Variants in PCSK2 observed in about 807,000 individuals in gnomAD.
PCSK2 encodes proprotein convertase subtilisin/kexin type 2.
A neutral mutation model predicts 69.7 loss-of-function variants in PCSK2; 14 were observed. The observed-to-expected ratio is 0.20, with a 90% CI of 0.13 to 0.31. PCSK2 has a LOEUF of 0.31. Among genes scored for constraint, PCSK2 ranks in the 10% least tolerant of loss-of-function variants. The pLI, the probability that PCSK2 is intolerant of heterozygous loss-of-function variation, is 1.00. For synonymous variants in PCSK2, 307 were observed against 320.7 expected (o/e 0.96, Z 0.46); for missense variants, 544 against 842.5 (o/e 0.65, Z 4.39).
intron 1 of PCSK2, among the ~76,000 whole-genome samples, chr20:17,239,841 CTTTTTT>C (rs869179656): frequency 5.8e-5 from 4 of 68,648 alleles, no homozygotes; most frequent in African/African-American, 2.0e-4. Flanking sequence ...GGTGAAAACA[CTTTTTT>C]TTTTTTTTTT....
chr20:17,459,025 A>G (rs906770036), intron 10 of PCSK2, among the ~76,000 whole-genome samples: 1 of 152,194 alleles, frequency 6.6e-6, no homozygotes, highest in African/African-American at 2.4e-5. Context: ...TTGACTCAAG[A>G]AAATCATCTG....
chr20:17,455,417 T>A (rs768124917), intron 9 of PCSK2, among the ~76,000 whole-genome samples: 2 of 152,174 alleles, frequency 1.3e-5, no homozygotes, highest in Non-Finnish European at 2.9e-5. Context: ...TAAAAATCTG[T>A]TTACCAGTCT....
chr20:17,310,853 T>C (rs540166640), intron 2 of PCSK2, among the ~76,000 whole-genome samples: 15 of 151,582 alleles, frequency 9.9e-5, no homozygotes, highest in Admixed American at 3.3e-4. Flanking sequence ...TTTATTTTTG[T>C]ATTACGGGCG....
intron 2 of PCSK2, among the ~76,000 whole-genome samples, chr20:17,318,598 A>G (rs1415929878): frequency 6.6e-6 from 1 of 152,238 alleles, no homozygotes; most frequent in Non-Finnish European, 1.5e-5. Context: ...TCAGGAAACA[A>G]TAAGTATGTT....
chr20:17,324,536 G>C (rs1382572707), intron 2 of PCSK2, among the ~76,000 whole-genome samples: 2 of 152,026 alleles, frequency 1.3e-5, no homozygotes, highest in Non-Finnish European at 2.9e-5. Context: ...AGTAACCAAG[G>C]CCCTACCATA....
At chr20:17,236,706 C>A (rs927780102) in intron 1 of PCSK2, among the ~76,000 whole-genome samples, 1 of 151,994 alleles carries the variant, frequency 6.6e-6, no homozygotes, top group Admixed American at 6.6e-5. Flanking sequence ...TTTTGAGTAG[C>A]TAGGTTTTAC....
At chr20:17,310,469 GGT>G (rs1288337963) in intron 2 of PCSK2, among the ~76,000 whole-genome samples, 1 of 151,992 alleles carries the variant, frequency 6.6e-6, no homozygotes, top group Non-Finnish European at 1.5e-5. Context: ...AGCCAACACT[GGT>G]TGAGAACTTG....
chr20:17,428,134 C>T (rs762523346), intron 6 of PCSK2, among the ~76,000 whole-genome samples: 21 of 152,158 alleles, frequency 1.4e-4, no homozygotes, highest in Non-Finnish European at 2.1e-4. Flanking sequence ...TCCTCTCCCC[C>T]GCTTAAGGGC....
At chr20:17,471,237 A>G (rs1227465324) in intron 11 of PCSK2, among the ~76,000 whole-genome samples, 2 of 152,358 alleles carry the variant, frequency 1.3e-5, no homozygotes, top group African/African-American at 4.8e-5. Context: ...GTGGAATTTA[A>G]GGCCAGAGAG....
At chr20:17,283,014 T>G (rs547508889) in intron 2 of PCSK2, among the ~76,000 whole-genome samples, 2 of 152,184 alleles carry the variant, frequency 1.3e-5, no homozygotes, top group Non-Finnish European at 2.9e-5. Context: ...TTAAGAGTGG[T>G]GGCTTAGACT....
intron 8 of PCSK2, among the ~76,000 whole-genome samples, chr20:17,451,984 TCTCGG>T (rs1386012384): frequency 1.5e-5 from 2 of 136,166 alleles, no homozygotes; most frequent in African/African-American, 2.7e-5. Flanking sequence ...AGTGGCACAA[TCTCGG>T]CTCACTGCAC....
chr20:17,340,516 A>G (rs1348297791), intron 2 of PCSK2, among the ~76,000 whole-genome samples: 2 of 152,122 alleles, frequency 1.3e-5, no homozygotes, highest in Non-Finnish European at 2.9e-5. Context: ...ATGATTCTTC[A>G]ATTTACCTTT....
chr20:17,407,134 C>T (rs149265069), intron 5 of PCSK2, among the ~76,000 whole-genome samples: 3 of 152,264 alleles, frequency 2.0e-5, no homozygotes, highest in African/African-American at 7.2e-5. Context: ...TGGAGCTGCC[C>T]CAAGCCTGTA....
chr20:17,318,800 T>C (rs1450950349), intron 2 of PCSK2, among the ~76,000 whole-genome samples: 2 of 152,192 alleles, frequency 1.3e-5, no homozygotes, highest in Non-Finnish European at 2.9e-5. Flanking sequence ...TTACTTCTAT[T>C]GTCATTTCTT....
chr20:17,448,992 C>T (rs1449846516), intron 8 of PCSK2, among the ~76,000 whole-genome samples: 1 of 151,510 alleles, frequency 6.6e-6, no homozygotes, highest in Non-Finnish European at 1.5e-5. Context: ...GGGCTCCTCC[C>T]GAGTAGCTAA....
chr20:17,388,196 C>T (rs1017203346), intron 5 of PCSK2, among the ~76,000 whole-genome samples: 13 of 151,976 alleles, frequency 8.6e-5, no homozygotes, highest in African/African-American at 2.7e-4. Flanking sequence ...GAAAGAGAAC[C>T]GACTGTATAA....
intron 2 of PCSK2, among the ~76,000 whole-genome samples, chr20:17,280,380 CT>C (rs1988262520): frequency 6.6e-6 from 1 of 152,136 alleles, no homozygotes; most frequent in Non-Finnish European, 1.5e-5. Flanking sequence ...ATAATTGTTT[CT>C]TTAGGATAGC....
At chr20:17,408,904 T>G (rs961562259) in intron 5 of PCSK2, among the ~76,000 whole-genome samples, 10 of 152,296 alleles carry the variant, frequency 6.6e-5, no homozygotes, top group South Asian at 2.1e-4. Flanking sequence ...TGGCCATCTG[T>G]CCAAGGAAGG....
intron 2 of PCSK2, among the ~76,000 whole-genome samples, chr20:17,341,438 C>G (rs879361474): frequency 1.3e-5 from 2 of 152,160 alleles, no homozygotes; most frequent in African/African-American, 4.8e-5. Context: ...GTATCTACCT[C>G]CTTTCCATAA....
Sources: allele counts gnomAD v4.1 joint callset (sites outside exome capture counted in the v4.1 genomes callset), GRCh38; gene constraint gnomAD v4.1.1; transcripts MANE v1.5; gene names NCBI Gene and HGNC (gene_info 2026-07-23, HGNC 2026-07-21).